Variants in WASF1 observed in about 807,000 individuals in gnomAD.
WASF1 encodes the protein actin-binding protein WASF1.
A neutral mutation model predicts 50.5 loss-of-function variants in WASF1; 7 were observed. The ratio of observed to expected loss-of-function variants is 0.14; its 90% CI spans 0.08 to 0.26. The LOEUF is 0.26. WASF1 is among the 10% of genes least tolerant of loss of function. WASF1 has a pLI of 1.00. For synonymous variants in WASF1, 205 were observed against 244.0 expected (o/e 0.84, Z 1.49); for missense variants, 470 against 694.7 (o/e 0.68, Z 3.64).
At position 110,108,637 on chromosome 6, in the gene WASF1, T is replaced by C. The variant is rs200902804; in HGVS notation, c.313A>G (p.Thr105Ala). The change falls in exon 6 of 11, where the codon ACA becomes GCA. Residue 105 changes from threonine to alanine, a missense_variant. By Grantham distance (58) the Thr-to-Ala change is moderately conservative. Transcript: ENST00000392589. Reference sequence around the variant, plus strand: ...TCGAAAAGCTGCTGGTCTTGAATTGTAGAACTTCGGAAAGCTTTCCTCATT... The same window carrying C: ...TCGAAAAGCTGCTGGTCTTGAATTGCAGAACTTCGGAAAGCTTTCCTCATT... ...ITMRKAFRSS[T>A]IQDQQLFDRK... 2.1e-4 allele frequency: 343 copies of C among 1,614,058 alleles called. No homozygotes were observed. Among genetic ancestry groups the C allele is most frequent in the Non-Finnish European group, 2.4e-4 (279 of 1,179,966 alleles).
At chr6:110,132,390 T>C (rs79311769) in intron 3 of WASF1, among the ~76,000 whole-genome samples, 3,191 of 151,890 alleles carry the variant, frequency 0.021, 40 homozygotes, top group Middle Eastern at 0.038. Context: ...ACGTATTTCA[T>C]ATACATAAGG....
chr6:110,115,613 A>G (rs1179391721), intron 4 of WASF1, among the ~76,000 whole-genome samples: 1 of 152,182 alleles, frequency 6.6e-6, no homozygotes, highest in Non-Finnish European at 1.5e-5. Flanking sequence ...GACAGCTCTA[A>G]TTCAGGCTCT....
chr6:110,173,768 T>G (rs1443002168), intron 2 of WASF1, among the ~76,000 whole-genome samples: 1 of 152,156 alleles, frequency 6.6e-6, no homozygotes, highest in Non-Finnish European at 1.5e-5. Flanking sequence ...ACAAGGCCAT[T>G]AACAGTTCCA....
At position 110,102,133 on chromosome 6, in the gene WASF1, G is replaced by A. The variant is rs1773120549; in HGVS notation, c.977C>T (p.Pro326Leu). 6.7e-7 allele frequency: 1 copy of A among 1,485,066 alleles called. No individual in the cohort carries two copies. Among genetic ancestry groups the A allele is most frequent in the South Asian group, 1.5e-5 (1 of 68,084 alleles). The allele number at this position is 1,485,066 out of a possible 1,614,324, so 92.0% of individuals were successfully genotyped here. A position where few individuals can be genotyped will look rare whatever the true frequency, so the allele number is the denominator to read the frequency against. Residue 326 changes from proline (P) to leucine (L), a missense_variant, in exon 10 of 11, where the codon CCT becomes CTT. Around this residue, in one of 3 missense-constraint regions of WASF1, gnomAD observed 294 missense variants for 343.5 expected, o/e 0.86. Transcript: ENST00000392589. ...GGCAGATGGAAGAGGTGGTGGAGGAGGTGGGGGAGTGGGGCTCACAAACAC... is the reference window on the plus strand; with the variant it reads ...GGCAGATGGAAGAGGTGGTGGAGGAAGTGGGGGAGTGGGGCTCACAAACAC... ...TPVFVSPTPP[P>L]PPPPLPSALS...
intron 4 of WASF1, 76 bp from the exon 5 acceptor site, chr6:110,113,536 A>G (rs1583934160): frequency 7.6e-7 from 1 of 1,318,038 alleles, no homozygotes; most frequent in Non-Finnish European, 1.0e-6. Context: ...AGCAGTAGAA[A>G]TCTAGCATGA....
At chr6:110,151,071 T>A (rs989257653) in intron 3 of WASF1, among the ~76,000 whole-genome samples, 1 of 152,130 alleles carries the variant, frequency 6.6e-6, no homozygotes. Flanking sequence ...AAACATTTGA[T>A]CTTAAAAAGA....
intron 5 of WASF1, among the ~76,000 whole-genome samples, 163 bp from the exon 6 acceptor site, chr6:110,108,844 T>C (rs1438975458): frequency 1.3e-5 from 2 of 152,232 alleles, no homozygotes; most frequent in Non-Finnish European, 2.9e-5. Flanking sequence ...TCTATCATTA[T>C]ATTTACCCAT....
chr6:110,138,976 C>T (rs1775094094), intron 3 of WASF1, among the ~76,000 whole-genome samples: 1 of 152,194 alleles, frequency 6.6e-6, no homozygotes, highest in Non-Finnish European at 1.5e-5. Context: ...TCCATGGCAC[C>T]CAGGCTGTTC....
At chr6:110,161,484 A>G (rs1382125978) in intron 2 of WASF1, among the ~76,000 whole-genome samples, 1 of 151,576 alleles carries the variant, frequency 6.6e-6, no homozygotes, top group African/African-American at 2.4e-5. Context: ...ATAGCAGTGG[A>G]CCATTCTTCA....
intron 2 of WASF1, among the ~76,000 whole-genome samples, chr6:110,164,515 T>C (rs1776391498): frequency 6.6e-6 from 1 of 151,604 alleles, no homozygotes; most frequent in South Asian, 2.1e-4. Flanking sequence ...AACGAGATAT[T>C]GCTACATGCC....
At chr6:110,124,372 G>A (rs1217401303) in intron 4 of WASF1, among the ~76,000 whole-genome samples, 2 of 144,982 alleles carry the variant, frequency 1.4e-5, no homozygotes, top group African/African-American at 5.2e-5. Context: ...TCTCTTGGCT[G>A]AGAGCTTTCC....
chr6:110,135,717 TTATC>T (rs1774917233), intron 3 of WASF1, among the ~76,000 whole-genome samples: 2 of 143,414 alleles, frequency 1.4e-5, no homozygotes, highest in African/African-American at 2.6e-5. Context: ...AATAGGAAGA[TTATC>T]TTTTTTTTTT....
chr6:110,140,144 TGTTAA>T (rs1441120101), intron 3 of WASF1, among the ~76,000 whole-genome samples: 1 of 152,210 alleles, frequency 6.6e-6, no homozygotes, highest in East Asian at 1.9e-4. Context: ...ACAGGCTGAA[TGTTAA>T]GTTGACACCA....
At chr6:110,119,399 A>C (rs1469460111) in intron 4 of WASF1, among the ~76,000 whole-genome samples, 1 of 152,242 alleles carries the variant, frequency 6.6e-6, no homozygotes, top group Non-Finnish European at 1.5e-5. Context: ...CCATCAGAGA[A>C]TACTATAAAC....
At chr6:110,138,854 G>C (rs994054903) in intron 3 of WASF1, among the ~76,000 whole-genome samples, 1 of 152,190 alleles carries the variant, frequency 6.6e-6, no homozygotes, top group Admixed American at 6.5e-5. Context: ...ACAGAACTGA[G>C]AGCCCAGCCC....
chr6:110,127,323 T>C, intron 4 of WASF1, 146 bp downstream of exon 4: 1 of 609,752 alleles, frequency 1.6e-6, no homozygotes, highest in South Asian at 6.4e-5. Flanking sequence ...ACTCAATAAT[T>C]ATACTCATGT....
intron 3 of WASF1, among the ~76,000 whole-genome samples, chr6:110,142,952 T>TAAAAAAAAAAAAAAAAA (rs5879060): frequency 6.0e-4 from 71 of 119,054 alleles, no homozygotes; most frequent in African/African-American, 1.9e-3. Flanking sequence ...CCCAATGATG[T>TAAAAAAAAAAAAAAAAA]AAAAAAAAAA....
chr6:110,114,901 GAAC>G (rs1445276438), intron 4 of WASF1, among the ~76,000 whole-genome samples: 1 of 151,734 alleles, frequency 6.6e-6, no homozygotes, highest in Non-Finnish European at 1.5e-5. Flanking sequence ...AGACCAGCCT[GAAC>G]AACATGGTGA....
chr6:110,102,046 G>C lies in WASF1; in HGVS notation c.1064C>G (p.Pro355Arg), dbSNP rs775017785. 3.3e-6 allele frequency: 5 copies of C among 1,530,548 alleles called. No individual in the cohort carries two copies. The highest frequency in any genetic ancestry group is 4.4e-6 in the Non-Finnish European group (5 of 1,140,166). 94.8% of individuals were successfully genotyped at this position (1,530,548 alleles called of 1,614,324 possible). Residue 355 changes from proline to arginine, a missense_variant, in exon 10 of 11, where the codon CCA becomes CGA. Physicochemically the swap from Pro to Arg is moderately radical, Grantham distance 103. This residue lies in a region of WASF1 where 294 missense variants were observed against 343.5 expected (regional missense o/e 0.86). Coordinates refer to ENST00000392589, the MANE Select transcript of WASF1 (RefSeq NM_003931.3). ...TSTPPPPVPP[P>R]PPPPATALQA... ...CAAAGCAGTGGCTGGAGGTGGAGGT[G>C]GGGGAGGTACTGGAGGGGGAGGAGT...
Sources: allele counts gnomAD v4.1 joint callset (sites outside exome capture counted in the v4.1 genomes callset), GRCh38; gene constraint gnomAD v4.1.1; regional missense constraint gnomAD v4.1.1; transcripts MANE v1.5; gene names NCBI Gene and HGNC (gene_info 2026-07-23, HGNC 2026-07-21).